The following MARCHF6 variants were observed in gnomAD, a reference collection of about 807,000 sequenced individuals.
The protein encoded by MARCHF6 is membrane associated ring-CH-type finger 6.
MARCHF6 carries 31 observed loss-of-function variants against 133.7 expected under a neutral mutation model. The observed-to-expected ratio is 0.23, with a 90% CI of 0.17 to 0.31. MARCHF6 has a LOEUF of 0.31. Among genes scored for constraint, MARCHF6 ranks in the 10% least tolerant of loss-of-function variants. The pLI, the probability that MARCHF6 is intolerant of heterozygous loss-of-function variation, is 1.00. For synonymous variants in MARCHF6, 395 were observed against 402.5 expected (o/e 0.98, Z 0.22); for missense variants, 723 against 1,121.6 (o/e 0.64, Z 5.08).
intron 24 of MARCHF6, 57 bp downstream of exon 24, chr5:10,426,579 C>T: frequency 6.4e-7 from 1 of 1,559,112 alleles, no homozygotes; most frequent in South Asian, 1.2e-5. Flanking sequence ...ATTGGACATT[C>T]TCTTTACCCC....
intron 1 of MARCHF6, among the ~76,000 whole-genome samples, chr5:10,356,609 T>C (rs1467028327): frequency 1.3e-5 from 2 of 152,030 alleles, no homozygotes; most frequent in African/African-American, 2.4e-5. Context: ...TTGGCCAGAC[T>C]GGTCTCAAAC....
intron 15 of MARCHF6, 78 bp downstream of exon 15, chr5:10,403,619 G>C: frequency 7.6e-7 from 1 of 1,312,662 alleles, no homozygotes; most frequent in South Asian, 1.6e-5. Flanking sequence ...TGTCTCAAAG[G>C]CTATGATGAT....
At chr5:10,377,510 G>A (rs892432678) in intron 1 of MARCHF6, among the ~76,000 whole-genome samples, 2 of 152,140 alleles carry the variant, frequency 1.3e-5, no homozygotes, top group African/African-American at 4.8e-5. Context: ...TGTGGAGAGC[G>A]CAGTTTTGAA....
chr5:10,415,454 C>T, intron 20 of MARCHF6, 34 bp from the exon 21 acceptor site: 1 of 1,580,828 alleles, frequency 6.3e-7, no homozygotes, highest in Non-Finnish European at 8.7e-7. Context: ...TTTACCTAGC[C>T]ACATGTCTCA....
chr5:10,397,847 A>G (rs965920135), intron 10 of MARCHF6, among the ~76,000 whole-genome samples: 2 of 152,330 alleles, frequency 1.3e-5, no homozygotes, highest in Admixed American at 1.3e-4. Flanking sequence ...ATCACTTCCA[A>G]GCACTTCTGC....
chr5:10,383,374 AC>A (rs1002942092), intron 4 of MARCHF6, among the ~76,000 whole-genome samples: 2 of 152,206 alleles, frequency 1.3e-5, no homozygotes, highest in Non-Finnish European at 1.5e-5. Context: ...GAGAAAGCTG[AC>A]CATGGTAAAG....
rs1382338816 is a variant in MARCHF6, at chr5:10,436,006, C to G, written c.*2322C>G. ...GTGCTGGGATTATAGGTGTGAGCCC[C>G]CACGCCTGGCCAACTTGATTATATT... is the stretch of plus-strand genomic sequence containing the variant. On this transcript the variant is annotated 3_prime_UTR_variant, in exon 26 of 26. Transcript: ENST00000274140. The G allele has an allele frequency of 1.3e-5, 2 of 151,540 alleles. No homozygotes were observed. Among genetic ancestry groups the G allele is most frequent in the African/African-American group, 4.9e-5 (2 of 41,124 alleles). 9.4% of individuals were successfully genotyped at this position (151,540 alleles called of 1,614,324 possible). A position where few individuals can be genotyped will look rare whatever the true frequency, so the allele number is the denominator to read the frequency against.
intron 1 of MARCHF6, among the ~76,000 whole-genome samples, chr5:10,369,775 A>G (rs957902958): frequency 6.6e-6 from 1 of 152,102 alleles, no homozygotes; most frequent in Non-Finnish European, 1.5e-5. Context: ...TCTTTAACTT[A>G]ATACAATGTT....
intron 15 of MARCHF6, among the ~76,000 whole-genome samples, chr5:10,405,033 C>T (rs367957976): frequency 3.3e-5 from 5 of 152,072 alleles, no homozygotes; most frequent in Non-Finnish European, 7.4e-5. Flanking sequence ...ACACTGTAAC[C>T]CCTTGTTTAG....
At chr5:10,373,815 C>T (rs1736604713) in intron 1 of MARCHF6, among the ~76,000 whole-genome samples, 1 of 152,208 alleles carries the variant, frequency 6.6e-6, no homozygotes, top group Admixed American at 6.5e-5. Flanking sequence ...GTAGATCCTA[C>T]AGTAGTAGCA....
In MARCHF6 at chr5:10,392,014, A is replaced by G. The variant is rs187219208; in HGVS notation, c.766+283A>G. The stretch of plus-strand genomic sequence containing the variant: ...CGCTCTGTCGCCCAGGCTGGAGTGC[A>G]GTGGCGCTATCTCGGCTCACTGCAA... On this transcript the variant is annotated intron_variant, in intron 7 of 25. Coordinates refer to ENST00000274140, the MANE Select transcript of MARCHF6 (RefSeq NM_005885.4). 9.2e-3 allele frequency among the ~76,000 whole-genome samples: 1,351 copies of G among 147,316 alleles called. 23 individuals are homozygous for G. Among genetic ancestry groups the G allele is most frequent in the African/African-American group, 0.032 (1,254 of 39,694 alleles).
At chr5:10,375,970 A>C (rs1736753323) in intron 1 of MARCHF6, among the ~76,000 whole-genome samples, 1 of 152,180 alleles carries the variant, frequency 6.6e-6, no homozygotes, top group Non-Finnish European at 1.5e-5. Flanking sequence ...GGGGACGTGG[A>C]GAACCTTTGT....
intron 19 of MARCHF6, 116 bp downstream of exon 19, chr5:10,411,653 C>T (rs1739238896): frequency 1.5e-6 from 1 of 664,992 alleles, no homozygotes. Context: ...ACATGTTCCA[C>T]ATTTTATTAC....
chr5:10,357,022 T>C (rs964533027), intron 1 of MARCHF6, among the ~76,000 whole-genome samples: 1 of 152,218 alleles, frequency 6.6e-6, no homozygotes, highest in Non-Finnish European at 1.5e-5. Context: ...TCATTCTTAC[T>C]GTGTATATGT....
At chr5:10,411,569 A>G in intron 19 of MARCHF6, 32 bp downstream of exon 19, 3 of 1,557,438 alleles carry the variant, frequency 1.9e-6, no homozygotes, top group African/African-American at 1.4e-5. Flanking sequence ...TCACATATAG[A>G]GGTTTTTTTG....
intron 3 of MARCHF6, among the ~76,000 whole-genome samples, chr5:10,379,627 A>AT (rs920985053): frequency 1.3e-5 from 2 of 151,762 alleles, no homozygotes; most frequent in African/African-American, 2.4e-5. Flanking sequence ...CACCTGGCTA[A>AT]TTTTTTTGTA....
At chr5:10,357,517 T>A (rs1186966763) in intron 1 of MARCHF6, among the ~76,000 whole-genome samples, 2 of 152,340 alleles carry the variant, frequency 1.3e-5, no homozygotes, top group Non-Finnish European at 1.5e-5. Context: ...TTATGGTTGA[T>A]CATGTTCTAT....
rs1225301054 is a variant in MARCHF6, at chr5:10,436,631, C to T, written c.*2947C>T. ...GCATTTGGTGATAGTTTTACATGAC[C>T]AGTTATCAAACGGTCATAGTATGAA... On this transcript the variant is annotated 3_prime_UTR_variant, in exon 26 of 26. Coordinates refer to ENST00000274140, the MANE Select transcript of MARCHF6 (RefSeq NM_005885.4). The T allele has an allele frequency of 6.6e-6, 1 of 151,980 alleles. No homozygotes were observed. The highest frequency in any genetic ancestry group is 1.5e-5 in the Non-Finnish European group (1 of 67,978). The allele number at this position is 151,980 out of a possible 1,614,324, so 9.4% of individuals were successfully genotyped here. A position where few individuals can be genotyped will look rare whatever the true frequency, so the allele number is the denominator to read the frequency against.
At position 10,403,495 on chromosome 5, in the gene MARCHF6, T is replaced by C; in HGVS notation, c.1286T>C (p.Met429Thr). The C allele has an allele frequency of 6.2e-7, 1 of 1,613,906 alleles. No homozygotes were observed. Among genetic ancestry groups the C allele is most frequent in the Non-Finnish European group, 8.5e-7 (1 of 1,179,854 alleles). Residue 429 changes from methionine (M) to threonine (T), a missense_variant, in exon 15 of 26, where the codon ATG becomes ACG. Met to Thr is a moderately conservative substitution (Grantham distance 81, BLOSUM62 -1). This residue lies in a region of MARCHF6 where 492 missense variants were observed against 699.5 expected (regional missense o/e 0.70). Transcript: ENST00000274140. ...ATGTTTCTGCATTGGCTAGTGGGAA[T>C]GGTATATGTCTTCTACTTTGCCTCC... Reference protein sequence around the residue: ...TTMFLHWLVGMVYVFYFASFI... With the variant: ...TTMFLHWLVGTVYVFYFASFI...
Sources: gnomAD v4.1 joint callset for allele counts (sites outside exome capture counted in the v4.1 genomes callset) on GRCh38, gnomAD v4.1.1 for gene constraint, gnomAD v4.1.1 regional missense constraint, MANE v1.5 for transcripts, NCBI Gene and HGNC (gene_info 2026-07-23, HGNC 2026-07-21) for gene names.